PIK3R3: variants seen among roughly 807,000 people sequenced by gnomAD.
The protein encoded by PIK3R3 is phosphoinositide-3-kinase regulatory subunit 3, also known as phosphatidylinositol 3-kinase regulatory subunit gamma.
PIK3R3 carries 64 observed loss-of-function variants against 62.9 expected under a neutral mutation model. The observed-to-expected ratio is 1.02, with a 90% CI of 0.83 to 1.25. The LOEUF (loss-of-function observed/expected upper bound fraction) is 1.25. Among genes scored for constraint, PIK3R3 ranks in the 50% most tolerant of loss-of-function variants. The probability of loss-of-function intolerance (pLI) is 0.00; values close to 1 mark genes in which losing one functional copy is unlikely to be tolerated. For missense variants in PIK3R3, 614 were observed against 561.6 expected, an observed-to-expected ratio of 1.09 and a Z score of -0.94; for synonymous variants, 165 against 189.0, an observed-to-expected ratio of 0.87 and a Z score of 1.04.
the PIK3R3 span, among the ~76,000 whole-genome samples, chr1:46,151,481 C>T: frequency 4.9e-4 from 75 of 152,296 alleles, no homozygotes; most frequent in African/African-American, 1.8e-3. Flanking sequence ...CAGTGGTTCA[C>T]ATCTGTAATC....
Position 46,132,208 on chromosome 1 carries a change from A to G in PIK3R3, c.-256T>C. The G allele has an allele frequency of 8.1e-7, 1 of 1,235,806 alleles. No individual in the cohort carries two copies. Among genetic ancestry groups the G allele is most frequent in the East Asian group, 4.1e-5 (1 of 24,490 alleles). 76.6% of individuals were successfully genotyped at this position (1,235,806 alleles called of 1,614,324 possible). ...AGAGGATTACACAGAGGCTTGGGGGACGGAGAGCAGAGGTGTTAAAAAGCG... is the reference window on the plus strand; with the variant it reads ...AGAGGATTACACAGAGGCTTGGGGGGCGGAGAGCAGAGGTGTTAAAAAGCG... On this transcript the variant is annotated 5_prime_UTR_variant, in exon 1 of 10. Coordinates refer to ENST00000262741, the MANE Select transcript of PIK3R3 (RefSeq NM_003629.4).
the PIK3R3 span, among the ~76,000 whole-genome samples, chr1:46,142,481 G>A: frequency 2.0e-5 from 3 of 152,138 alleles, no homozygotes; most frequent in South Asian, 2.1e-4. Context: ...GGTGGATCAC[G>A]AGGTCAGGAG....
At chr1:46,074,233 T>G (rs966306542) in intron 3 of PIK3R3, among the ~76,000 whole-genome samples, 1 of 124,304 alleles carries the variant, frequency 8.0e-6, no homozygotes, top group African/African-American at 3.1e-5. Context: ...GAGCTTGCAG[T>G]GAGCCAAGAT....
the PIK3R3 span, among the ~76,000 whole-genome samples, chr1:46,173,948 T>C: frequency 6.6e-6 from 1 of 151,818 alleles, no homozygotes; most frequent in Admixed American, 6.6e-5. Flanking sequence ...GTCTGGTGAG[T>C]GTGTCTGCAT....
intron 1 of PIK3R3, among the ~76,000 whole-genome samples, chr1:46,097,907 A>G (rs894774421): frequency 4.6e-5 from 7 of 151,666 alleles, no homozygotes; most frequent in South Asian, 2.1e-4. Context: ...AAAAAAAAAA[A>G]GATTCTAGCC....
upstream of PIK3R3, among the ~76,000 whole-genome samples, chr1:46,137,776 G>T (rs1401986598): frequency 6.6e-6 from 1 of 152,140 alleles, no homozygotes; most frequent in Non-Finnish European, 1.5e-5. Flanking sequence ...GGCACACAGT[G>T]GGTAGCCAGT....
At chr1:46,088,062 T>C (rs1276750043) in intron 1 of PIK3R3, among the ~76,000 whole-genome samples, 1 of 152,154 alleles carries the variant, frequency 6.6e-6, no homozygotes, top group African/African-American at 2.4e-5. Flanking sequence ...ATGAATGTAC[T>C]TAATGCCACA....
In PIK3R3 at chr1:46,113,514, T is replaced by G. The variant is rs116391529; in HGVS notation, c.106+18333A>C. On this transcript the variant is annotated intron_variant, in intron 1 of 9. Transcript: ENST00000262741. ...TATGTTGCCCAGGCTGGTATCAAAC[T>G]CCTCAGCTCAAGAGATCCTCCCACC... 7.0e-3 allele frequency among the ~76,000 whole-genome samples: 1,062 copies of G among 152,090 alleles called. 14 individuals carry two copies. Among genetic ancestry groups the G allele is most frequent in the African/African-American group, 0.025 (1,023 of 41,480 alleles).
intron 1 of PIK3R3, among the ~76,000 whole-genome samples, chr1:46,111,223 A>C (rs1204478738): frequency 6.6e-6 from 1 of 152,132 alleles, no homozygotes; most frequent in Non-Finnish European, 1.5e-5. Flanking sequence ...CTTATTTAAA[A>C]ATCCTTGTGA....
upstream of PIK3R3, among the ~76,000 whole-genome samples, chr1:46,137,192 T>C (rs867919280): frequency 1.2e-4 from 18 of 152,280 alleles, 1 homozygote; most frequent in Middle Eastern, 0.024. Context: ...ACAGCCTTCC[T>C]CTCCCATTCA....
At chr1:46,093,535 A>G (rs987919491) in intron 1 of PIK3R3, among the ~76,000 whole-genome samples, 2 of 152,208 alleles carry the variant, frequency 1.3e-5, no homozygotes, top group South Asian at 4.1e-4. Context: ...TGTTTCAGTC[A>G]CATAAATCTT....
chr1:46,062,521 G>A (rs1648601230), intron 5 of PIK3R3, among the ~76,000 whole-genome samples: 2 of 152,202 alleles, frequency 1.3e-5, no homozygotes, highest in Admixed American at 6.5e-5. Context: ...GTTGCAGTGA[G>A]CTGAAATTGT....
In PIK3R3 at chr1:46,080,635, T is replaced by C; in HGVS notation, c.215+7A>G. The C allele has an allele frequency of 2.0e-6, 3 of 1,534,672 alleles. No individual in the cohort carries two copies. Among genetic ancestry groups the C allele is most frequent in the Non-Finnish European group, 2.7e-6 (3 of 1,111,438 alleles). ...ACTGCATTCAATTACAGTAGCATTCTAGTTACCTTGAAATATCCCCCCAGT... is the reference window on the plus strand; with the variant it reads ...ACTGCATTCAATTACAGTAGCATTCCAGTTACCTTGAAATATCCCCCCAGT... On this transcript the variant is annotated splice_region_variant and intron_variant, in intron 2 of 9. Coordinates refer to ENST00000262741, the MANE Select transcript of PIK3R3 (RefSeq NM_003629.4).
chr1:46,059,366 T>C (rs920152611), intron 6 of PIK3R3, among the ~76,000 whole-genome samples: 1 of 152,256 alleles, frequency 6.6e-6, no homozygotes, highest in African/African-American at 2.4e-5. Context: ...TGACAATACA[T>C]GTAAAGGACA....
intron 1 of PIK3R3, among the ~76,000 whole-genome samples, chr1:46,118,165 T>G (rs1654350839): frequency 6.6e-6 from 1 of 152,220 alleles, no homozygotes. Flanking sequence ...TATTAATTAT[T>G]AAAGCATATA....
chr1:46,089,714 CAAA>C (rs554079868), intron 1 of PIK3R3, among the ~76,000 whole-genome samples: 3 of 63,198 alleles, frequency 4.7e-5, no homozygotes. Context: ...GACTCCATCT[CAAA>C]AAAAAAAAAA....
At chr1:46,085,092 T>A (rs1284324320) in intron 1 of PIK3R3, among the ~76,000 whole-genome samples, 1 of 152,202 alleles carries the variant, frequency 6.6e-6, no homozygotes, top group East Asian at 1.9e-4. Context: ...CCATTTCACA[T>A]CTATTACAGA....
At chr1:46,109,423 A>G (rs186080410) in intron 1 of PIK3R3, among the ~76,000 whole-genome samples, 1,541 of 152,216 alleles carry the variant, frequency 0.01, 12 homozygotes, top group Non-Finnish European at 0.018. Flanking sequence ...GTACACTGTT[A>G]GCCATTTTTT....
chr1:46,092,873 T>C (rs1057373880), intron 1 of PIK3R3, among the ~76,000 whole-genome samples: 1 of 152,158 alleles, frequency 6.6e-6, no homozygotes, highest in African/African-American at 2.4e-5. Flanking sequence ...ATCCTCCCAC[T>C]GTACCTGTCT....
Sources: allele counts gnomAD v4.1 joint callset (sites outside exome capture counted in the v4.1 genomes callset), GRCh38; gene constraint gnomAD v4.1.1; transcripts MANE v1.5; gene names NCBI Gene and HGNC (gene_info 2026-07-23, HGNC 2026-07-21).